The following PDE11A variants were observed in gnomAD, a reference collection of about 807,000 sequenced individuals.
PDE11A encodes the protein dual 3',5'-cyclic-AMP and -GMP phosphodiesterase 11A.
PDE11A carries 100 observed loss-of-function variants against 100.5 expected under a neutral mutation model. That is an observed-to-expected ratio of 1.00 (90% confidence interval 0.85 to 1.18). The LOEUF (loss-of-function observed/expected upper bound fraction) is 1.18, where lower values mean the gene tolerates loss of function less well. Ranked by LOEUF, PDE11A falls within the 50% of genes most tolerant of loss-of-function variation. The probability of loss-of-function intolerance (pLI) is 0.00; values close to 1 mark genes in which losing one functional copy is unlikely to be tolerated. For missense variants in PDE11A, 1,141 were observed against 1,152.6 expected (o/e 0.99, Z 0.15); for synonymous variants, 381 against 420.8 (o/e 0.91, Z 1.16).
chr2:177,632,314 A>G (rs1445906319), intron 19 of PDE11A, among the ~76,000 whole-genome samples: 3 of 152,214 alleles, frequency 2.0e-5, no homozygotes, highest in Admixed American at 6.5e-5. Context: ...AGGAGACTGA[A>G]GACATGAACT....
Position 177,697,368 on chromosome 2 carries a change from T to C in PDE11A, c.2309A>G (p.Gln770Arg). ...EYSDLMQLLK[Q>R]SILATDLTLY... is the part of the protein sequence containing the mutation. ...CGTGAGGTCTGTTGCCAATATTGAC[T>C]GCTTCAAAAGCTGCATAAGGTCACT... The change falls in exon 15 of 20, where the codon CAG becomes CGG. Residue 770 changes from glutamine to arginine, a missense_variant. By Grantham distance (43) the Gln-to-Arg change is conservative. Transcript: ENST00000286063. 1 of 1,600,086 alleles carries C rather than the reference T, an allele frequency of 6.2e-7. No homozygotes were observed. Among genetic ancestry groups the C allele is most frequent in the Non-Finnish European group, 8.6e-7 (1 of 1,167,356 alleles).
At chr2:177,668,449 T>C (rs1324414625) in intron 18 of PDE11A, among the ~76,000 whole-genome samples, 1 of 152,212 alleles carries the variant, frequency 6.6e-6, no homozygotes, top group African/African-American at 2.4e-5. Context: ...AAAAAAGGGA[T>C]GTTTTGAGAA....
chr2:178,001,292 G>GTGTGTC (rs1424811640), intron 2 of PDE11A, among the ~76,000 whole-genome samples: 2 of 151,260 alleles, frequency 1.3e-5, no homozygotes, highest in East Asian at 3.9e-4. Flanking sequence ...GTGTGTGTGT[G>GTGTGTC]TGTGTGTGTG....
chr2:178,050,546 T>A (rs1388229463), intron 1 of PDE11A, among the ~76,000 whole-genome samples: 12 of 151,918 alleles, frequency 7.9e-5, no homozygotes, highest in Admixed American at 6.6e-4. Context: ...AGATCGGTAA[T>A]AACAAACTTC....
chr2:177,926,048 A>G (rs574646855), intron 2 of PDE11A, among the ~76,000 whole-genome samples: 5 of 151,732 alleles, frequency 3.3e-5, no homozygotes, highest in Admixed American at 6.6e-5. Flanking sequence ...CTCTAAATAT[A>G]TATCAACTTA....
intron 6 of PDE11A, among the ~76,000 whole-genome samples, chr2:177,823,895 C>T (rs2083185477): frequency 6.6e-6 from 1 of 152,136 alleles, no homozygotes; most frequent in African/African-American, 2.4e-5. Flanking sequence ...TCTGGGACAA[C>T]AGTAGCTCCT....
At chr2:177,785,716 G>A (rs1203330086) in intron 9 of PDE11A, among the ~76,000 whole-genome samples, 7 of 139,268 alleles carry the variant, frequency 5.0e-5, no homozygotes, top group South Asian at 2.3e-4. Context: ...CTTAAAAAAC[G>A]GCGCACCAGG....
chr2:178,091,218 G>A (rs1357136146), intron 2 of PDE11A, among the ~76,000 whole-genome samples: 3 of 151,972 alleles, frequency 2.0e-5, no homozygotes, highest in Non-Finnish European at 2.9e-5. Context: ...CTACAGGCAC[G>A]TACCATCATG....
chr2:177,918,094 G>A (rs1234059154), intron 2 of PDE11A, among the ~76,000 whole-genome samples: 2 of 152,172 alleles, frequency 1.3e-5, no homozygotes, highest in Non-Finnish European at 2.9e-5. Context: ...GAGCTTTAAA[G>A]TTTGGCCTAA....
intron 15 of PDE11A, among the ~76,000 whole-genome samples, chr2:177,683,922 T>A (rs1271686820): frequency 1.3e-5 from 2 of 152,192 alleles, no homozygotes; most frequent in Non-Finnish European, 2.9e-5. Context: ...TTTCCAGCTT[T>A]GTAGTGAGAA....
At chr2:177,963,210 C>T (rs1055752522) in intron 2 of PDE11A, among the ~76,000 whole-genome samples, 16 of 152,068 alleles carry the variant, frequency 1.1e-4, no homozygotes, top group African/African-American at 3.9e-4. Context: ...ATAAAGGTTC[C>T]TACTCAGACA....
intron 5 of PDE11A, among the ~76,000 whole-genome samples, chr2:177,871,606 C>T (rs893004174): frequency 2.7e-5 from 4 of 150,668 alleles, no homozygotes; most frequent in African/African-American, 7.3e-5. Flanking sequence ...TGGTTCACGC[C>T]AGCACTTTTG....
chr2:177,692,942 T>C (rs1315953518), intron 15 of PDE11A, among the ~76,000 whole-genome samples: 1 of 152,178 alleles, frequency 6.6e-6, no homozygotes, highest in African/African-American at 2.4e-5. Flanking sequence ...GTCAGAAACC[T>C]GTCTCCAAAA....
chr2:177,952,629 A>G (rs1050665887), intron 2 of PDE11A, among the ~76,000 whole-genome samples: 1 of 151,486 alleles, frequency 6.6e-6, no homozygotes, highest in African/African-American at 2.4e-5. Context: ...ATATCCTTCC[A>G]GGAAACTGAT....
intron 4 of PDE11A, among the ~76,000 whole-genome samples, chr2:177,882,153 C>T (rs2105705355): frequency 6.6e-6 from 1 of 152,304 alleles, no homozygotes; most frequent in South Asian, 2.1e-4. Context: ...TAATAGTGCC[C>T]ACTTTCACGC....
chr2:177,800,170 T>TA (rs2082768868), intron 9 of PDE11A, among the ~76,000 whole-genome samples: 1 of 103,544 alleles, frequency 9.7e-6, no homozygotes, highest in East Asian at 3.7e-4. Flanking sequence ...ACAGTCTAAT[T>TA]AAAAAAATTT....
chr2:177,660,091 CTTTCTT>C (rs756697151), intron 19 of PDE11A, among the ~76,000 whole-genome samples: 3,187 of 43,562 alleles, frequency 0.073, 201 homozygotes, highest in African/African-American at 0.1. Context: ...TTCTTTCTTT[CTTTCTT>C]TCTCTCTCTC....
rs568787765 is a variant in PDE11A at position 178,063,135 on chromosome 2, C to T, written c.912+8391G>A. The stretch of plus-strand genomic sequence containing the variant: ...TTTCACAGAGACCCAATGTATACTT[C>T]GGAAATTGCATTTTGTACTAGAAAA... On this transcript the variant is annotated intron_variant, in intron 1 of 19. Coordinates refer to ENST00000286063, the MANE Select transcript of PDE11A (RefSeq NM_016953.4). Among the ~76,000 whole-genome samples, 6 of 152,226 alleles carry T rather than the reference C, an allele frequency of 3.9e-5. No homozygotes were observed. The East Asian group carries it at 5.8e-4, about 15-fold the overall frequency.
At chr2:177,936,312 C>G (rs1332796530) in intron 2 of PDE11A, among the ~76,000 whole-genome samples, 1 of 152,146 alleles carries the variant, frequency 6.6e-6, no homozygotes, top group Admixed American at 6.5e-5. Flanking sequence ...ATTTGTGTGA[C>G]AATGTCAGAA....
Sources: allele counts gnomAD v4.1 joint callset (sites outside exome capture counted in the v4.1 genomes callset), GRCh38; gene constraint gnomAD v4.1.1; transcripts MANE v1.5; gene names NCBI Gene and HGNC (gene_info 2026-07-23, HGNC 2026-07-21).